Variants in TLX1 observed in about 807,000 individuals in gnomAD.
The protein encoded by TLX1 is T cell leukemia homeobox 1, also known as T-cell leukemia homeobox protein 1.
In TLX1, 6 loss-of-function variants were observed where a neutral mutation model predicts 26.5. That is an observed-to-expected ratio of 0.23 (90% CI 0.12 to 0.45). The LOEUF (loss-of-function observed/expected upper bound fraction) is 0.45. Ranked by LOEUF, TLX1 falls within the 20% of genes least tolerant of loss-of-function variation. The probability of loss-of-function intolerance (pLI) is 0.99; values close to 1 mark genes in which losing one functional copy is unlikely to be tolerated. For synonymous variants in TLX1, 217 were observed against 219.7 expected (o/e 0.99, Z 0.11); for missense variants, 418 against 482.6 (o/e 0.87, Z 1.25).
chr10:101,137,093 C>G lies in TLX1; in HGVS notation c.*180C>G. On this transcript the variant is annotated 3_prime_UTR_variant, in exon 3 of 3. Coordinates refer to ENST00000370196, the MANE Select transcript of TLX1 (RefSeq NM_005521.4). ...CACTGTTCTCCCTTCGGTGGAAGAG[C>G]TCAAGGGACAAGGACACGCGCCCCC... 1 of 764,978 alleles carries G rather than the reference C, an allele frequency of 1.3e-6. No individual in the cohort carries two copies. 47.4% of individuals were successfully genotyped at this position (764,978 alleles called of 1,614,324 possible). A position where few individuals can be genotyped will look rare whatever the true frequency, so the allele number is the denominator to read the frequency against.
Position 101,131,780 on chromosome 10 carries a change from G to T in TLX1, c.239G>T (p.Gly80Val). 1 of 1,388,548 alleles carries T rather than the reference G, an allele frequency of 7.2e-7. No homozygotes were observed. Among genetic ancestry groups the T allele is most frequent in the Non-Finnish European group, 9.3e-7 (1 of 1,077,298 alleles). The allele number at this position is 1,388,548 out of a possible 1,614,324, so 86.0% of individuals were successfully genotyped here. A position where few individuals can be genotyped will look rare whatever the true frequency, so the allele number is the denominator to read the frequency against. ...GAGAYGTGGP[G>V]GPGGPAGGGG... Reference sequence around the variant, plus strand: ...GGGGCCTATGGTACTGGAGGTCCCGGCGGCCCCGGAGGCCCGGCAGGCGGC... The same window carrying T: ...GGGGCCTATGGTACTGGAGGTCCCGTCGGCCCCGGAGGCCCGGCAGGCGGC... The change falls in exon 1 of 3, where the codon GGC becomes GTC. Residue 80 changes from glycine to valine, a missense_variant. Physicochemically the swap from Gly to Val is moderately radical, Grantham distance 109. Transcript: ENST00000370196.
In TLX1 at chr10:101,136,743, C is replaced by T. The variant is rs571107930; in HGVS notation, c.823C>T (p.Leu275Phe). Residue 275 changes from leucine (L) to phenylalanine (F), a missense_variant, in exon 3 of 3, where the codon CTC (leucine) becomes TTC (phenylalanine). By Grantham distance (22) the Leu-to-Phe change is conservative (BLOSUM62 0). Transcript: ENST00000370196. ...CGAGAGGCAGCAAGCGAACCGCATC[C>T]TCCTGCAGTTGCAGCAGGAGGCCTT... ...EAERQQANRILLQLQQEAFQK... is the reference protein window; with the variant it reads ...EAERQQANRIFLQLQQEAFQK... 2 of 1,613,258 alleles carry T rather than the reference C, an allele frequency of 1.2e-6. No homozygotes were observed. Among genetic ancestry groups the T allele is most frequent in the East Asian group, 2.2e-5 (1 of 44,870 alleles).
Position 101,134,379 on chromosome 10 carries a change from G to A in TLX1, c.770+3G>A, listed in dbSNP as rs1264935570. 1.9e-6 allele frequency: 3 copies of A among 1,570,510 alleles called. No homozygotes were observed. Among genetic ancestry groups the A allele is most frequent in the Non-Finnish European group, 2.6e-6 (3 of 1,160,964 alleles). On this transcript the variant is annotated splice_donor_region_variant and intron_variant, in intron 2 of 2. Coordinates refer to ENST00000370196, the MANE Select transcript of TLX1 (RefSeq NM_005521.4). ...CAGAACCGGCGGACAAAGTGGAGGT[G>A]AGCAAGCGGGGCGGGCCGGCCGCCC...
Position 101,131,392 on chromosome 10 carries a change from C to A in TLX1, c.-150C>A. On this transcript the variant is annotated 5_prime_UTR_variant, in exon 1 of 3. Transcript: ENST00000370196. ...ACGGCGCCCCCTCTCTCCCTCCCCT[C>A]CCCCTTCTACTTTAGCCTTTCTGCG... 2.1e-6 allele frequency: 1 copy of A among 470,778 alleles called. No homozygotes were observed. 29.2% of individuals were successfully genotyped at this position (470,778 alleles called of 1,614,324 possible).
Position 101,132,047 on chromosome 10 carries a change from T to C in TLX1, c.506T>C (p.Leu169Pro). ...CCTGCCATGCCGGGCGTCAACAACC[T>C]CACTGGCCTCACCTTCCCCTGGATG... ...SVPAMPGVNN[L>P]TGLTFPWMES... is the part of the protein sequence containing the mutation. The change falls in exon 1 of 3, where the codon CTC becomes CCC. Residue 169 changes from leucine to proline, a missense_variant. Physicochemically the swap from Leu to Pro is moderately conservative, Grantham distance 98. This residue lies in a region of TLX1 where 322 missense variants were observed against 344.6 expected (regional missense o/e 0.93). Transcript: ENST00000370196. The surrounding 1 kb of genome is among the most constrained non-coding windows in gnomAD (Gnocchi z 4.1). 6.6e-7 allele frequency: 1 copy of C among 1,504,564 alleles called. No individual in the cohort carries two copies. The allele number at this position is 1,504,564 out of a possible 1,614,324, so 93.2% of individuals were successfully genotyped here. A position where few individuals can be genotyped will look rare whatever the true frequency, so the allele number is the denominator to read the frequency against.
intron 2 of TLX1, among the ~76,000 whole-genome samples, chr10:101,135,838 C>A (rs1437733286): frequency 6.6e-6 from 1 of 152,106 alleles, no homozygotes; most frequent in Non-Finnish European, 1.5e-5. Context: ...AGATAAGACA[C>A]AAAGCCTAAA....
In TLX1 at chr10:101,131,835, C is replaced by T. The variant is rs536772130; in HGVS notation, c.294C>T (p.Thr98=). The T allele has an allele frequency of 2.8e-6, 4 of 1,407,786 alleles. No homozygotes were observed. The African/African-American group carries it at 4.6e-5, about 16-fold the overall frequency. 87.2% of individuals were successfully genotyped at this position (1,407,786 alleles called of 1,614,324 possible). A position where few individuals can be genotyped will look rare whatever the true frequency, so the allele number is the denominator to read the frequency against. The change falls in exon 1 of 3, where the codon ACC becomes ACT. Residue 98 remains threonine (T), a synonymous_variant. Transcript: ENST00000370196. ...GCGCCTGCAGCATGGGTCCTCTGAC[C>T]GGCTCCTACAACGTGAACATGGCCT... is the stretch of plus-strand genomic sequence containing the variant. The part of the protein sequence containing the change: ...GGGACSMGPL[T]GSYNVNMALA...
chr10:101,136,342 G>T (rs1196963451), intron 2 of TLX1, among the ~76,000 whole-genome samples: 1 of 152,220 alleles, frequency 6.6e-6, no homozygotes, highest in Non-Finnish European at 1.5e-5. Flanking sequence ...TCTCCCTCAG[G>T]GCCGGGGAGG....
chr10:101,134,005 G>A (rs1163446910), intron 1 of TLX1, 170 bp from the exon 2 acceptor site: 1 of 629,006 alleles, frequency 1.6e-6, no homozygotes, highest in Admixed American at 3.3e-5. Context: ...TTGTCGCTGA[G>A]GGCTAACGGG....
Position 101,131,769 on chromosome 10 carries a change from T to C in TLX1, c.228T>C (p.Thr76=), listed in dbSNP as rs917107167. The part of the protein sequence containing the change: ...TGAGGAGAYG[T]GGPGGPGGPA... The stretch of plus-strand genomic sequence containing the variant: ...CTGGAGGAGCGGGGGCCTATGGTAC[T>C]GGAGGTCCCGGCGGCCCCGGAGGCC... The change falls in exon 1 of 3, where the codon ACT becomes ACC. Residue 76 remains threonine, a synonymous_variant. Coordinates refer to ENST00000370196, the MANE Select transcript of TLX1 (RefSeq NM_005521.4). 1.4e-6 allele frequency: 2 copies of C among 1,395,656 alleles called. No individual in the cohort carries two copies. The highest frequency in any genetic ancestry group is 1.9e-6 in the Non-Finnish European group (2 of 1,080,964). The allele number at this position is 1,395,656 out of a possible 1,614,324, so 86.5% of individuals were successfully genotyped here. A position where few individuals can be genotyped will look rare whatever the true frequency, so the allele number is the denominator to read the frequency against.
rs1380317655 is a variant in TLX1, at chr10:101,131,351, C to T, written c.-191C>T. 4.6e-6 allele frequency: 2 copies of T among 430,992 alleles called. No homozygotes were observed. Among genetic ancestry groups the T allele is most frequent in the African/African-American group, 4.1e-5 (2 of 48,678 alleles). The allele number at this position is 430,992 out of a possible 1,614,324, so 26.7% of individuals were successfully genotyped here. On this transcript the variant is annotated 5_prime_UTR_variant, in exon 1 of 3. Coordinates refer to ENST00000370196, the MANE Select transcript of TLX1 (RefSeq NM_005521.4). ...GCAGCCGGAGCGGGGAAGCAGAAGC[C>T]AGAGAGGGGAAGAATACGGCGCCCC...
chr10:101,134,443 C>T, intron 2 of TLX1, 67 bp downstream of exon 2: 4 of 1,422,566 alleles, frequency 2.8e-6, no homozygotes, highest in Non-Finnish European at 3.7e-6. Flanking sequence ...GGTTCATTGG[C>T]CTCTCGTGGG....
At chr10:101,136,604 T>A in intron 2 of TLX1, 87 bp from the exon 3 acceptor site, 1 of 1,607,944 alleles carries the variant, frequency 6.2e-7, no homozygotes, top group South Asian at 1.1e-5. Flanking sequence ...GCTCGTTCAG[T>A]TTATCTCCTG....
Position 101,131,715 on chromosome 10 carries a change from C to T in TLX1, c.174C>T (p.Gly58=). Residue 58 remains glycine (G), a synonymous_variant, in exon 1 of 3, where the codon GGC becomes GGT. Coordinates refer to ENST00000370196, the MANE Select transcript of TLX1 (RefSeq NM_005521.4). Reference sequence around the variant, plus strand: ...TGGTCGGAGGCGCCTACACTTACGGCGGCGGGGGCTCCGCGGCCGCGACGG... The same window carrying T: ...TGGTCGGAGGCGCCTACACTTACGGTGGCGGGGGCTCCGCGGCCGCGACGG... ...GCLVGGAYTY[G]GGGSAAATGA... 1 of 1,471,568 alleles carries T rather than the reference C, an allele frequency of 6.8e-7. No individual in the cohort carries two copies. The highest frequency in any genetic ancestry group is 8.9e-7 in the Non-Finnish European group (1 of 1,117,806). 91.2% of individuals were successfully genotyped at this position (1,471,568 alleles called of 1,614,324 possible).
chr10:101,137,157 A>C lies in TLX1; in HGVS notation c.*244A>C, dbSNP rs1156562595. ...CCCGCACCTGTCTGAACTGTTAAGA[A>C]ATCTGTTTTTGTTTATTTCATTTTA... On this transcript the variant is annotated 3_prime_UTR_variant, in exon 3 of 3. Transcript: ENST00000370196. 3.8e-6 allele frequency: 2 copies of C among 532,424 alleles called. No homozygotes were observed. Among genetic ancestry groups the C allele is most frequent in the East Asian group, 6.0e-5 (2 of 33,132 alleles). The allele number at this position is 532,424 out of a possible 1,614,324, so 33.0% of individuals were successfully genotyped here.
Position 101,131,864 on chromosome 10 carries a change from C to T in TLX1, c.323C>T (p.Ala108Val), listed in dbSNP as rs867486472. Residue 108 changes from alanine (A) to valine (V), a missense_variant, in exon 1 of 3, where the codon GCA becomes GTA. Physicochemically the swap from Ala to Val is moderately conservative, Grantham distance 64. This residue lies in a region of TLX1 where 322 missense variants were observed against 344.6 expected (regional missense o/e 0.93). Transcript: ENST00000370196. ...TGSYNVNMAL[A>V]GGPGPGGGGG... The stretch of plus-strand genomic sequence containing the variant: ...TCCTACAACGTGAACATGGCCTTGG[C>T]AGGCGGCCCCGGTCCTGGCGGCGGC... The T allele has an allele frequency of 1.4e-6, 2 of 1,406,836 alleles. No homozygotes were observed. The highest frequency in any genetic ancestry group is 3.5e-5 in the Admixed American group (1 of 28,984). 87.1% of individuals were successfully genotyped at this position (1,406,836 alleles called of 1,614,324 possible). A position where few individuals can be genotyped will look rare whatever the true frequency, so the allele number is the denominator to read the frequency against.
intron 2 of TLX1, among the ~76,000 whole-genome samples, chr10:101,134,847 C>T (rs1037853745): frequency 6.6e-6 from 1 of 152,230 alleles, no homozygotes; most frequent in Non-Finnish European, 1.5e-5. Flanking sequence ...GGCCCCAGAC[C>T]GCGGCCCTGC....
At chr10:101,135,176 TGCACCC>T (rs1328632917) in intron 2 of TLX1, among the ~76,000 whole-genome samples, 22 of 150,646 alleles carry the variant, frequency 1.5e-4, no homozygotes. Context: ...TCTGGCACGC[TGCACCC>T]TCTGGCACGC....
chr10:101,132,270 A>C lies in TLX1; in HGVS notation c.568+161A>C, dbSNP rs1247761128. On this transcript the variant is annotated intron_variant, in intron 1 of 2. Coordinates refer to ENST00000370196, the MANE Select transcript of TLX1 (RefSeq NM_005521.4). This position sits in a 1 kb window ranked among gnomAD's most constrained non-coding sequence, Gnocchi z 4.1. ...CCGCCCGCCCGATTCTATAACGCAG[A>C]CTCGCCATGCTTGAAGAGTTCTCTC... 6.6e-6 allele frequency among the ~76,000 whole-genome samples: 1 copy of C among 151,566 alleles called. No homozygotes were observed. The highest frequency in any genetic ancestry group is 1.5e-5 in the Non-Finnish European group (1 of 67,924).
Sources: allele counts gnomAD v4.1 joint callset (sites outside exome capture counted in the v4.1 genomes callset), GRCh38; gene constraint gnomAD v4.1.1; regional missense constraint gnomAD v4.1.1; non-coding constraint Gnocchi (gnomAD v3.1); transcripts MANE v1.5; gene names NCBI Gene and HGNC (gene_info 2026-07-23, HGNC 2026-07-21).